The following TNXB variants were observed in gnomAD, a reference collection of about 807,000 sequenced individuals.
The protein encoded by TNXB is tenascin-X.
TNXB carries 183 observed loss-of-function variants against 340.5 expected under a neutral mutation model. The observed-to-expected ratio is 0.54, with a 90% CI of 0.48 to 0.61. The LOEUF is 0.61. Among genes scored for constraint, TNXB ranks in the 20% least tolerant of loss-of-function variants. The pLI, the probability that TNXB is intolerant of heterozygous loss-of-function variation, is 0.00. For synonymous variants in TNXB, 2,121 were observed against 2,314.5 expected, an observed-to-expected ratio of 0.92 and a Z score of 2.40; for missense variants, 4,613 against 5,446.4, an observed-to-expected ratio of 0.85 and a Z score of 4.82.
At chr6:32,059,846 C>T (rs1475004877) in intron 21 of TNXB, among the ~76,000 whole-genome samples, 2 of 151,876 alleles carry the variant, frequency 1.3e-5, no homozygotes, top group East Asian at 1.9e-4. Context: ...TGCAAGAGAC[C>T]GCCTCTCAGC....
Position 32,068,681 on chromosome 6 carries a change from G to A in TNXB, c.5929C>T (p.Pro1977Ser), listed in dbSNP as rs989596075. ...GGGGGCTCGGGGGTTGCGGTGGGAG[G>A]TTCTGAAGGCTTCTCCTCCTCCGGG... ...TVPEEEKPSE[P>S]PTATPEPPIK... Residue 1977 changes from proline (P) to serine (S), a missense_variant, in exon 17 of 44, where the codon CCT becomes TCT. By Grantham distance (74) the Pro-to-Ser change is moderately conservative (BLOSUM62 -1). Around this residue, in one of 7 missense-constraint regions of TNXB, gnomAD observed 4,327 missense variants for 4,859.4 expected, o/e 0.89. Transcript: ENST00000644971. This position sits in a 1 kb window ranked among gnomAD's most constrained non-coding sequence, Gnocchi z 5.3. 3 of 1,613,588 alleles carry A rather than the reference G, an allele frequency of 1.9e-6. No homozygotes were observed. The African/African-American group carries it at 4.0e-5, about 22-fold the overall frequency.
In TNXB at chr6:32,108,414, A is replaced by G. The variant is rs1025216338; in HGVS notation, c.-9+767T>C. 6.6e-6 allele frequency among the ~76,000 whole-genome samples: 1 copy of G among 152,022 alleles called. No individual in the cohort carries two copies. The highest frequency in any genetic ancestry group is 6.5e-5 in the Admixed American group (1 of 15,272). ...GGTTCAGACAGACAGAGGCAAGGGG[A>G]GCCTGGAAGGGGCACAGAGTGAAGA... is the stretch of plus-strand genomic sequence containing the variant. On this transcript the variant is annotated intron_variant, in intron 1 of 43. Coordinates refer to ENST00000644971, the MANE Select transcript of TNXB (RefSeq NM_001365276.2). The surrounding 1 kb of genome is among the most constrained non-coding windows in gnomAD (Gnocchi z 4.8).
At chr6:32,050,871 G>A (rs560151570) in intron 26 of TNXB, among the ~76,000 whole-genome samples, 138 of 152,186 alleles carry the variant, frequency 9.1e-4, no homozygotes, top group Non-Finnish European at 1.7e-3. Flanking sequence ...TGGCTTCCCT[G>A]CCTCTAGGCT....
chr6:32,046,384 C>T lies in TNXB; in HGVS notation c.10397G>A (p.Arg3466His), dbSNP rs757765276. Reference protein sequence around the residue: ...TVAEETSSSLRLSWTVAQGPF... With the variant: ...TVAEETSSSLHLSWTVAQGPF... ...GCCCTGGGCTACCGTCCAGGACAGG[C>T]GCAGAGAGCTGGAGGTCTCCTCAGC... Residue 3466 changes from arginine (R) to histidine (H), a missense_variant, in exon 31 of 44, where the codon CGC becomes CAC. Physicochemically the swap from Arg to His is conservative, Grantham distance 29. Coordinates refer to ENST00000644971, the MANE Select transcript of TNXB (RefSeq NM_001365276.2). The surrounding 1 kb of genome is among the most constrained non-coding windows in gnomAD (Gnocchi z 6.9). The T allele has an allele frequency of 5.6e-6, 9 of 1,592,986 alleles. No individual in the cohort carries two copies. Among genetic ancestry groups the T allele is most frequent in the African/African-American group, 4.0e-5 (3 of 74,676 alleles).
At chr6:32,078,967 T>C (rs1779269730) in intron 11 of TNXB, 66 bp downstream of exon 11, 1 of 1,521,592 alleles carries the variant, frequency 6.6e-7, no homozygotes, top group Non-Finnish European at 8.8e-7. Flanking sequence ...GGAGAGCAAC[T>C]GGCTACAGGG....
At position 32,048,560 on chromosome 6, in the gene TNXB, G is replaced by A. The variant is rs766417313; in HGVS notation, c.9848C>T (p.Thr3283Met). 6 of 1,568,834 alleles carry A rather than the reference G, an allele frequency of 3.8e-6. No homozygotes were observed. The highest frequency in any genetic ancestry group is 4.5e-5 in the East Asian group (2 of 44,048). Reference sequence around the variant, plus strand: ...GGAGTCAAAGGGGCCCTGGGCCACCGTCCATGAGAGGCCCACTGAGTCCGA... The same window carrying A: ...GGAGTCAAAGGGGCCCTGGGCCACCATCCATGAGAGGCCCACTGAGTCCGA... ...VTSDSVGLSW[T>M]VAQGPFDSFL... The change falls in exon 29 of 44, where the codon ACG (threonine) becomes ATG (methionine). Residue 3283 changes from threonine (T) to methionine (M), a missense_variant. Thr to Met is a moderately conservative substitution (Grantham distance 81). This residue lies in a region of TNXB where 4,327 missense variants were observed against 4,859.4 expected (regional missense o/e 0.89). Transcript: ENST00000644971.
Position 32,089,190 on chromosome 6 carries a change from C to A in TNXB, c.2515+33G>T. On this transcript the variant is annotated intron_variant, in intron 5 of 43. Transcript: ENST00000644971. This position sits in a 1 kb window ranked among gnomAD's most constrained non-coding sequence, Gnocchi z 6.2. Reference sequence around the variant, plus strand: ...TCCCTCTCTAGTCCAGATCTCCACTCAGGACACCCCTCCCCACAGCCCCAG... The same window carrying A: ...TCCCTCTCTAGTCCAGATCTCCACTAAGGACACCCCTCCCCACAGCCCCAG... 2 of 1,576,078 alleles carry A rather than the reference C, an allele frequency of 1.3e-6. No individual in the cohort carries two copies. The highest frequency in any genetic ancestry group is 8.6e-7 in the Non-Finnish European group (1 of 1,160,026).
Position 32,061,324 on chromosome 6 carries a change from T to A in TNXB, c.7492+73A>T. On this transcript the variant is annotated intron_variant, in intron 21 of 43. Coordinates refer to ENST00000644971, the MANE Select transcript of TNXB (RefSeq NM_001365276.2). This position sits in a 1 kb window ranked among gnomAD's most constrained non-coding sequence, Gnocchi z 4.4. The stretch of plus-strand genomic sequence containing the variant: ...ACAAGTCTGGACCCACAGGGCTTGG[T>A]GAAAGGGCACAGCAGTAAACCAGGT... 1 of 1,560,852 alleles carries A rather than the reference T, an allele frequency of 6.4e-7. No homozygotes were observed. The highest frequency in any genetic ancestry group is 8.7e-7 in the Non-Finnish European group (1 of 1,152,368).
In TNXB at chr6:32,073,721, C is replaced by T; in HGVS notation, c.4607G>A (p.Arg1536Lys). Reference sequence around the variant, plus strand: ...TCCATACATGTTCATCTTATATTTTCTCTCAGGCTCCAGGTTGTAGACTGT... The same window carrying T: ...TCCATACATGTTCATCTTATATTTTTTCTCAGGCTCCAGGTTGTAGACTGT... The part of the protein sequence containing the change: ...EVTVYNLEPE[R>K]KYKMNMYGLH... The change falls in exon 12 of 44, where the codon AGA becomes AAA. Residue 1536 changes from arginine to lysine, a missense_variant. By Grantham distance (26) the Arg-to-Lys change is conservative (BLOSUM62 2). Around this residue, in one of 7 missense-constraint regions of TNXB, gnomAD observed 4,327 missense variants for 4,859.4 expected, o/e 0.89. Coordinates refer to ENST00000644971, the MANE Select transcript of TNXB (RefSeq NM_001365276.2). The surrounding 1 kb of genome is among the most constrained non-coding windows in gnomAD (Gnocchi z 4.6). 6.2e-7 allele frequency: 1 copy of T among 1,612,022 alleles called. No individual in the cohort carries two copies. Among genetic ancestry groups the T allele is most frequent in the Non-Finnish European group, 8.5e-7 (1 of 1,179,460 alleles).
rs779956827 is a variant in TNXB at position 32,056,705 on chromosome 6, G to A, written c.8024C>T (p.Pro2675Leu). Residue 2675 changes from proline to leucine, a missense_variant, in exon 23 of 44, where the codon CCG (proline) becomes CTG (leucine). Pro to Leu is a moderately conservative substitution (Grantham distance 98). This residue lies in a region of TNXB where 4,327 missense variants were observed against 4,859.4 expected (regional missense o/e 0.89). Coordinates refer to ENST00000644971, the MANE Select transcript of TNXB (RefSeq NM_001365276.2). ...GATGGTGACCCCGTCCTCGTGCCCCGGCACCCGCACCGCCTTGGGCTGCCC... is the reference window on the plus strand; with the variant it reads ...GATGGTGACCCCGTCCTCGTGCCCCAGCACCCGCACCGCCTTGGGCTGCCC... ...GDGQPKAVRV[P>L]GHEDGVTISG... The A allele has an allele frequency of 8.7e-6, 14 of 1,613,124 alleles. No individual in the cohort carries two copies. The highest frequency in any genetic ancestry group is 2.2e-5 in the East Asian group (1 of 44,882).
chr6:32,102,065 G>A (rs761535791), intron 1 of TNXB, among the ~76,000 whole-genome samples: 4 of 152,094 alleles, frequency 2.6e-5, no homozygotes, highest in East Asian at 1.9e-4. Flanking sequence ...ACTAGTTATC[G>A]GGTAAATGTA....
chr6:32,079,126 C>T lies in TNXB; in HGVS notation c.4282G>A (p.Gly1428Arg), dbSNP rs1355379551. 9.3e-6 allele frequency: 15 copies of T among 1,613,832 alleles called. No individual in the cohort carries two copies. The highest frequency in any genetic ancestry group is 1.3e-5 in the Non-Finnish European group (15 of 1,179,884). The change falls in exon 11 of 44, where the codon GGA becomes AGA. Residue 1428 changes from glycine to arginine, a missense_variant. Coordinates refer to ENST00000644971, the MANE Select transcript of TNXB (RefSeq NM_001365276.2). The surrounding 1 kb of genome is among the most constrained non-coding windows in gnomAD (Gnocchi z 7.1). ...TACTTGTGCCCGGGCTCTAGGCCTC[C>T]CACGGTGACCTCACTCTCCTTGCCC... is the stretch of plus-strand genomic sequence containing the variant. Reference protein sequence around the residue: ...VGGKESEVTVGGLEPGHKYKM... With the variant: ...VGGKESEVTVRGLEPGHKYKM...
In TNXB at chr6:32,052,796, G is replaced by A. The variant is rs769065624; in HGVS notation, c.8989C>T (p.Arg2997Cys). The A allele has an allele frequency of 8.7e-6, 14 of 1,613,610 alleles. No homozygotes were observed. The highest frequency in any genetic ancestry group is 3.3e-5 in the Admixed American group (2 of 59,984). ...KDRDGRPQVVRVRGEESEVTV... is the reference protein window; with the variant it reads ...KDRDGRPQVVCVRGEESEVTV... ...ACCTCGCTCTCCTCGCCCCTGACAC[G>A]CACCACCTGGGGCCGCCCGTCCCTG... is the stretch of plus-strand genomic sequence containing the variant. The change falls in exon 26 of 44, where the codon CGT becomes TGT. Residue 2997 changes from arginine to cysteine, a missense_variant. Physicochemically the swap from Arg to Cys is radical, Grantham distance 180. Transcript: ENST00000644971. The surrounding 1 kb of genome is among the most constrained non-coding windows in gnomAD (Gnocchi z 4.7).
intron 1 of TNXB, among the ~76,000 whole-genome samples, chr6:32,099,230 TCTCA>T (rs1780585105): frequency 1.0e-5 from 1 of 96,956 alleles, no homozygotes; most frequent in African/African-American, 4.0e-5. Context: ...TCCCTCTCTC[TCTCA>T]CTTTTTTTTT....
rs770375261 is a variant in TNXB at position 32,097,962 on chromosome 6, C to G, written c.237G>C (p.Leu79=). ...KQVVFTHRIN[L]PPSTGCGCPP... ...GACAGCCACAGCCAGTGGAAGGGGG[C>G]AGGTTAATGCGGTGGGTGAATACCA... is the stretch of plus-strand genomic sequence containing the variant. Residue 79 remains leucine, a synonymous_variant, in exon 2 of 44, where the codon CTG becomes CTC. Transcript: ENST00000644971. This position sits in a 1 kb window ranked among gnomAD's most constrained non-coding sequence, Gnocchi z 5.9. 2 of 1,605,866 alleles carry G rather than the reference C, an allele frequency of 1.2e-6. No individual in the cohort carries two copies. Among genetic ancestry groups the G allele is most frequent in the African/African-American group, 2.7e-5 (2 of 74,908 alleles).
intron 31 of TNXB, 200 bp downstream of exon 31, chr6:32,045,975 C>A: frequency 7.6e-7 from 1 of 1,310,446 alleles, no homozygotes; most frequent in Middle Eastern, 2.9e-4. Context: ...GCCTTTCCCT[C>A]CCGCCTGGCC....
rs1216662069 is a variant in TNXB at position 32,051,195 on chromosome 6, CCT to C, written c.9116-876_9116-875del. On this transcript the variant is annotated intron_variant, in intron 26 of 43. Transcript: ENST00000644971. This position sits in a 1 kb window ranked among gnomAD's most constrained non-coding sequence, Gnocchi z 4.7. Reference sequence around the variant, plus strand: ...GCCTGGCCTCAGATCCTGACTGTCCCCTGAGTATCCACAGGTAGGGTGGTTTA... The same window carrying C: ...GCCTGGCCTCAGATCCTGACTGTCCCGAGTATCCACAGGTAGGGTGGTTTA... Among the ~76,000 whole-genome samples the C allele has an allele frequency of 2.0e-5, 3 of 152,192 alleles. No individual in the cohort carries two copies. Among genetic ancestry groups the C allele is most frequent in the African/African-American group, 4.8e-5 (2 of 41,448 alleles).
In TNXB at chr6:32,043,907, G is replaced by A. The variant is rs771500868; in HGVS notation, c.11387-15C>T. ...CTGAGGCTCCCCTGAAAACATTGGG[G>A]ATCGAGGGTTACCCAGGGAACCCCA... On this transcript the variant is annotated splice_polypyrimidine_tract_variant and intron_variant, in intron 34 of 43. Coordinates refer to ENST00000644971, the MANE Select transcript of TNXB (RefSeq NM_001365276.2). The A allele has an allele frequency of 3.7e-6, 6 of 1,613,430 alleles. No homozygotes were observed. Among genetic ancestry groups the A allele is most frequent in the Non-Finnish European group, 5.1e-6 (6 of 1,180,000 alleles).
At position 32,051,913 on chromosome 6, in the gene TNXB, G is replaced by A. The variant is rs1285748649; in HGVS notation, c.9115+757C>T. Among the ~76,000 whole-genome samples, 1 of 152,192 alleles carries A rather than the reference G, an allele frequency of 6.6e-6. No homozygotes were observed. Among genetic ancestry groups the A allele is most frequent in the Non-Finnish European group, 1.5e-5 (1 of 68,026 alleles). ...GACAGAGAGTAGAATGGTGTTGCCA[G>A]GGGCTGGGGCAAGGGGAGAATGGGA... On this transcript the variant is annotated intron_variant, in intron 26 of 43. Coordinates refer to ENST00000644971, the MANE Select transcript of TNXB (RefSeq NM_001365276.2). This position sits in a 1 kb window ranked among gnomAD's most constrained non-coding sequence, Gnocchi z 4.7.
Sources: allele counts gnomAD v4.1 joint callset (sites outside exome capture counted in the v4.1 genomes callset), GRCh38; gene constraint gnomAD v4.1.1; regional missense constraint gnomAD v4.1.1; non-coding constraint Gnocchi (gnomAD v3.1); transcripts MANE v1.5; gene names NCBI Gene and HGNC (gene_info 2026-07-23, HGNC 2026-07-21).